The following IMP3 variants were observed in gnomAD, a reference collection of about 807,000 sequenced individuals.
The protein encoded by IMP3 is U3 small nucleolar ribonucleoprotein IMP3.
A neutral mutation model predicts 10.2 loss-of-function variants in IMP3; 17 were observed. The observed-to-expected ratio is 1.67, with a 90% CI of 1.14 to 2.50. IMP3 has a LOEUF of 2.50. Among genes scored for constraint, IMP3 ranks in the 30% most tolerant of loss-of-function variants. The pLI is 0.00. For missense variants in IMP3, 290 were observed against 260.2 expected, an observed-to-expected ratio of 1.11 and a Z score of -0.79; for synonymous variants, 167 against 120.1, an observed-to-expected ratio of 1.39 and a Z score of -2.55.
In IMP3 at chr15:75,639,800, G is replaced by A. The variant is rs986165264; in HGVS notation, c.369C>T (p.His123=). ...CCACAAAGGCCACGGCAGCCTGAAG[G>A]TGCTGCGCCATGCGCAGCTTGAGGA... The part of the protein sequence containing the change: ...TVLLKLRMAQ[H]LQAAVAFVEQ... Residue 123 remains histidine, a synonymous_variant, in exon 1 of 1, where the codon CAC becomes CAT. Coordinates refer to ENST00000403490, the MANE Select transcript of IMP3 (RefSeq NM_018285.4). The A allele has an allele frequency of 1.2e-6, 2 of 1,612,174 alleles. No homozygotes were observed. Among genetic ancestry groups the A allele is most frequent in the Non-Finnish European group, 1.7e-6 (2 of 1,179,682 alleles).
rs4886724 is a variant in IMP3, at chr15:75,639,436, C to T, written c.*178G>A. 606,215 of 606,546 alleles carry T rather than the reference C, an allele frequency of 1. 302,944 individuals are homozygous for T. The highest frequency in any genetic ancestry group is 1 in the Middle Eastern group (2,276 of 2,276). The allele number at this position is 606,546 out of a possible 1,614,324, so 37.6% of individuals were successfully genotyped here. A position where few individuals can be genotyped will look rare whatever the true frequency, so the allele number is the denominator to read the frequency against. ...CAGTAGTCCAAGTTCTAAGAACATT[C>T]CCTGGAAAACAAGGACGCACCTCCC... is the stretch of plus-strand genomic sequence containing the variant. On this transcript the variant is annotated 3_prime_UTR_variant, in exon 1 of 1. Coordinates refer to ENST00000403490, the MANE Select transcript of IMP3 (RefSeq NM_018285.4).
At position 75,640,182 on chromosome 15, in the gene IMP3, G is replaced by A. The variant is rs768192467; in HGVS notation, c.-14C>T. On this transcript the variant is annotated 5_prime_UTR_variant, in exon 1 of 1. Transcript: ENST00000403490. ...CTTCCGCACCATGATGGCGGCAGCCGCAGCCGCAGGACCCGAAGCTGAGAG... is the reference window on the plus strand; with the variant it reads ...CTTCCGCACCATGATGGCGGCAGCCACAGCCGCAGGACCCGAAGCTGAGAG... The A allele has an allele frequency of 4.1e-5, 62 of 1,501,580 alleles. No homozygotes were observed. The highest frequency in any genetic ancestry group is 2.5e-4 in the Middle Eastern group (1 of 4,032). 93.0% of individuals were successfully genotyped at this position (1,501,580 alleles called of 1,614,324 possible). A position where few individuals can be genotyped will look rare whatever the true frequency, so the allele number is the denominator to read the frequency against.
rs1278904741 is a variant in IMP3 at position 75,639,752 on chromosome 15, G to A, written c.417C>T (p.Gly139=). 4 of 1,613,458 alleles carry A rather than the reference G, an allele frequency of 2.5e-6. No individual in the cohort carries two copies. In the Admixed American group the frequency reaches 6.7e-5, roughly 27 times the overall value. ...AFVEQGHVRV[G]PDVVTDPAFL... ...AGGCGGGGTCGGTAACCACGTCAGGGCCCACGCGTACGTGCCCTTGCTCCA... is the reference window on the plus strand; with the variant it reads ...AGGCGGGGTCGGTAACCACGTCAGGACCCACGCGTACGTGCCCTTGCTCCA... The change falls in exon 1 of 1, where the codon GGC becomes GGT. Residue 139 remains glycine (G), a synonymous_variant. Transcript: ENST00000403490.
Position 75,639,198 on chromosome 15 carries a change from T to A in IMP3, c.*416A>T, listed in dbSNP as rs2141390819. On this transcript the variant is annotated 3_prime_UTR_variant, in exon 1 of 1. Transcript: ENST00000403490. ...TAAAAACTTGAGGCCAAACTCTCCATCATCTGTACACAGCTTAACCACGGC... is the reference window on the plus strand; with the variant it reads ...TAAAAACTTGAGGCCAAACTCTCCAACATCTGTACACAGCTTAACCACGGC... The A allele has an allele frequency of 5.4e-6, 1 of 183,900 alleles. No homozygotes were observed. Among genetic ancestry groups the A allele is most frequent in the Non-Finnish European group, 1.2e-5 (1 of 85,984 alleles). 11.4% of individuals were successfully genotyped at this position (183,900 alleles called of 1,614,324 possible).
chr15:75,639,592 G>GC lies in IMP3; in HGVS notation c.*21dup. On this transcript the variant is annotated 3_prime_UTR_variant, in exon 1 of 1. Transcript: ENST00000403490. ...TCAGTTTTCCCATCTGTAAAAGACAGCCATGCAAAGTGGGAGATCCGCTAG... is the reference window on the plus strand; with the variant it reads ...TCAGTTTTCCCATCTGTAAAAGACAGCCCATGCAAAGTGGGAGATCCGCTAG... The GC allele has an allele frequency of 2.5e-6, 4 of 1,604,944 alleles. No individual in the cohort carries two copies. Among genetic ancestry groups the GC allele is most frequent in the Non-Finnish European group, 3.4e-6 (4 of 1,172,390 alleles).
Position 75,639,183 on chromosome 15 carries a change from A to C in IMP3, c.*431T>G, listed in dbSNP as rs1893386345. On this transcript the variant is annotated 3_prime_UTR_variant, in exon 1 of 1. Coordinates refer to ENST00000403490, the MANE Select transcript of IMP3 (RefSeq NM_018285.4). ...GTCTCGCTCAGTTTATAAAAACTTG[A>C]GGCCAAACTCTCCATCATCTGTACA... The C allele has an allele frequency of 5.7e-6, 1 of 175,116 alleles. No homozygotes were observed. The highest frequency in any genetic ancestry group is 2.4e-5 in the African/African-American group (1 of 41,770). 10.8% of individuals were successfully genotyped at this position (175,116 alleles called of 1,614,324 possible).
In IMP3 at chr15:75,639,490, G is replaced by A. The variant is rs541131447; in HGVS notation, c.*124C>T. The A allele has an allele frequency of 6.1e-6, 5 of 823,090 alleles. No individual in the cohort carries two copies. The African/African-American group carries it at 6.9e-5, about 11-fold the overall frequency. The allele number at this position is 823,090 out of a possible 1,614,324, so 51.0% of individuals were successfully genotyped here. A position where few individuals can be genotyped will look rare whatever the true frequency, so the allele number is the denominator to read the frequency against. ...GCTCTATGCATGGCCTGCCACTGAT[G>A]AATCAAATTCTTAAGAACCTACGAC... On this transcript the variant is annotated 3_prime_UTR_variant, in exon 1 of 1. Coordinates refer to ENST00000403490, the MANE Select transcript of IMP3 (RefSeq NM_018285.4).
chr15:75,640,035 T>C lies in IMP3; in HGVS notation c.134A>G (p.Tyr45Cys). 1 of 1,599,248 alleles carries C rather than the reference T, an allele frequency of 6.3e-7. No individual in the cohort carries two copies. The highest frequency in any genetic ancestry group is 8.5e-7 in the Non-Finnish European group (1 of 1,174,228). Residue 45 changes from tyrosine (Y) to cysteine (C), a missense_variant, in exon 1 of 1, where the codon TAC becomes TGC. Coordinates refer to ENST00000403490, the MANE Select transcript of IMP3 (RefSeq NM_018285.4). ...ACGGCTCAGCTGGTTGTAGCGCGTG[T>C]AGTCCTCCCGCCGCTGCAGCCGGTA... The part of the protein sequence containing the change: ...RRYRLQRRED[Y>C]TRYNQLSRAV...
rs1893392778 is a variant in IMP3, at chr15:75,639,592, G to A, written c.*22C>T. 6.2e-7 allele frequency: 1 copy of A among 1,604,944 alleles called. No homozygotes were observed. The highest frequency in any genetic ancestry group is 8.5e-7 in the Non-Finnish European group (1 of 1,172,390). ...TCAGTTTTCCCATCTGTAAAAGACA[G>A]CCATGCAAAGTGGGAGATCCGCTAG... On this transcript the variant is annotated 3_prime_UTR_variant, in exon 1 of 1. Transcript: ENST00000403490.
Position 75,639,598 on chromosome 15 carries a change from C to G in IMP3, c.*16G>C, listed in dbSNP as rs1432066345. 3 of 1,610,812 alleles carry G rather than the reference C, an allele frequency of 1.9e-6. No individual in the cohort carries two copies. In the East Asian group the frequency reaches 6.7e-5, roughly 36 times the overall value. ...TTCCCATCTGTAAAAGACAGCCATGCAAAGTGGGAGATCCGCTAGGCTTCC... is the reference window on the plus strand; with the variant it reads ...TTCCCATCTGTAAAAGACAGCCATGGAAAGTGGGAGATCCGCTAGGCTTCC... On this transcript the variant is annotated 3_prime_UTR_variant, in exon 1 of 1. Coordinates refer to ENST00000403490, the MANE Select transcript of IMP3 (RefSeq NM_018285.4).
chr15:75,640,093 G>T lies in IMP3; in HGVS notation c.76C>A (p.His26Asn), dbSNP rs1893408050. 1 of 1,605,408 alleles carries T rather than the reference G, an allele frequency of 6.2e-7. No individual in the cohort carries two copies. Among genetic ancestry groups the T allele is most frequent in the African/African-American group, 1.3e-5 (1 of 74,550 alleles). ...VDFLNWEVTDHNLHELRVLRR... is the reference protein window; with the variant it reads ...VDFLNWEVTDNNLHELRVLRR... ...AGCACGCGCAGCTCGTGCAGGTTGTGGTCGGTGACCTCCCAGTTCAGGAAG... is the reference window on the plus strand; with the variant it reads ...AGCACGCGCAGCTCGTGCAGGTTGTTGTCGGTGACCTCCCAGTTCAGGAAG... Residue 26 changes from histidine (H) to asparagine (N), a missense_variant, in exon 1 of 1, where the codon CAC becomes AAC. Physicochemically the swap from His to Asn is moderately conservative, Grantham distance 68. Transcript: ENST00000403490.
In IMP3 at chr15:75,639,110, T is replaced by G. The variant is rs1011796651; in HGVS notation, c.*504A>C. On this transcript the variant is annotated 3_prime_UTR_variant, in exon 1 of 1. Transcript: ENST00000403490. ...TTAAAAAGTTGCACTTACAAAGCAGTTGGGGCATTTATTGACATTTAAACA... is the reference window on the plus strand; with the variant it reads ...TTAAAAAGTTGCACTTACAAAGCAGGTGGGGCATTTATTGACATTTAAACA... 3 of 157,196 alleles carry G rather than the reference T, an allele frequency of 1.9e-5. No homozygotes were observed. Among genetic ancestry groups the G allele is most frequent in the African/African-American group, 7.2e-5 (3 of 41,412 alleles). 9.7% of individuals were successfully genotyped at this position (157,196 alleles called of 1,614,324 possible). A position where few individuals can be genotyped will look rare whatever the true frequency, so the allele number is the denominator to read the frequency against.
At position 75,639,686 on chromosome 15, in the gene IMP3, C is replaced by CCA. The variant is rs750844720; in HGVS notation, c.482_483insTG (p.Asp162GlyfsTer11). 6.2e-7 allele frequency: 1 copy of CCA among 1,613,944 alleles called. No homozygotes were observed. Among genetic ancestry groups the CCA allele is most frequent in the Non-Finnish European group, 8.5e-7 (1 of 1,180,046 alleles). On this transcript the variant is annotated frameshift_variant, in exon 1 of 1. Transcript: ENST00000403490. LOFTEE classifies it high-confidence loss of function. ...CGTGCCGCTTGATCTTGGACGAGTC[C>CCA]ACCCAAGTGACAAAGTCCTCCATGC...
At position 75,639,952 on chromosome 15, in the gene IMP3, C is replaced by G; in HGVS notation, c.217G>C (p.Val73Leu). The G allele has an allele frequency of 6.2e-7, 1 of 1,606,330 alleles. No individual in the cohort carries two copies. Among genetic ancestry groups the G allele is most frequent in the Non-Finnish European group, 8.5e-7 (1 of 1,177,030 alleles). Reference sequence around the variant, plus strand: ...TCCAGCAGCGCGGCCGAAGCGCGCACGCGGAACTGGTCGCGTTCGGGCAGG... The same window carrying G: ...TCCAGCAGCGCGGCCGAAGCGCGCAGGCGGAACTGGTCGCGTTCGGGCAGG... ...RDLPERDQFR[V>L]RASAALLDKL... The change falls in exon 1 of 1, where the codon GTG becomes CTG. Residue 73 changes from valine to leucine, a missense_variant. Transcript: ENST00000403490.
Position 75,639,970 on chromosome 15 carries a change from C to T in IMP3, c.199G>A (p.Glu67Lys). The T allele has an allele frequency of 4.4e-6, 7 of 1,604,038 alleles. No individual in the cohort carries two copies. In the South Asian group the frequency reaches 6.6e-5, roughly 15 times the overall value. The change falls in exon 1 of 1, where the codon GAA (glutamate) becomes AAA (lysine). Residue 67 changes from glutamate (E) to lysine (K), a missense_variant. Glu to Lys is a moderately conservative substitution (Grantham distance 56, BLOSUM62 1). Coordinates refer to ENST00000403490, the MANE Select transcript of IMP3 (RefSeq NM_018285.4). The stretch of plus-strand genomic sequence containing the variant: ...GCGCGCACGCGGAACTGGTCGCGTT[C>T]GGGCAGGTCGCGCAGGCGCCGCGCC... ...ELARRLRDLP[E>K]RDQFRVRASA...
rs375180548 is a variant in IMP3 at position 75,639,659 on chromosome 15, C to T, written c.510G>A (p.Val170=). 23 of 1,613,844 alleles carry T rather than the reference C, an allele frequency of 1.4e-5. No homozygotes were observed. Among genetic ancestry groups the T allele is most frequent in the Non-Finnish European group, 1.9e-5 (23 of 1,180,040 alleles). ...WVDSSKIKRH[V]LEYNEERDDF... ...CATCGCGCTCCTCATTGTACTCTAGCACGTGCCGCTTGATCTTGGACGAGT... is the reference window on the plus strand; with the variant it reads ...CATCGCGCTCCTCATTGTACTCTAGTACGTGCCGCTTGATCTTGGACGAGT... Residue 170 remains valine (V), a synonymous_variant, in exon 1 of 1, where the codon GTG becomes GTA. Coordinates refer to ENST00000403490, the MANE Select transcript of IMP3 (RefSeq NM_018285.4).
rs1250761752 is a variant in IMP3, at chr15:75,640,064, C to G, written c.105G>C (p.Arg35=). 1.2e-6 allele frequency: 2 copies of G among 1,608,838 alleles called. No individual in the cohort carries two copies. Among genetic ancestry groups the G allele is most frequent in the Non-Finnish European group, 1.7e-6 (2 of 1,178,238 alleles). ...CCTCCCGCCGCTGCAGCCGGTAACG[C>G]CGCAGCACGCGCAGCTCGTGCAGGT... is the stretch of plus-strand genomic sequence containing the variant. The part of the protein sequence containing the change: ...DHNLHELRVL[R]RYRLQRREDY... The change falls in exon 1 of 1, where the codon CGG becomes CGC. Residue 35 remains arginine (R), a synonymous_variant. Coordinates refer to ENST00000403490, the MANE Select transcript of IMP3 (RefSeq NM_018285.4).
At position 75,639,918 on chromosome 15, in the gene IMP3, T is replaced by C. The variant is rs766235499; in HGVS notation, c.251A>G (p.Tyr84Cys). ...RASAALLDKLYALGLVPTRGS... is the reference protein window; with the variant it reads ...RASAALLDKLCALGLVPTRGS... The stretch of plus-strand genomic sequence containing the variant: ...GCGCGTGGGCACCAAGCCGAGAGCA[T>C]ACAGCTTGTCCAGCAGCGCGGCCGA... Residue 84 changes from tyrosine to cysteine, a missense_variant, in exon 1 of 1, where the codon TAT (tyrosine) becomes TGT (cysteine). Transcript: ENST00000403490. 1.9e-5 allele frequency: 30 copies of C among 1,610,338 alleles called. No homozygotes were observed. Among genetic ancestry groups the C allele is most frequent in the Non-Finnish European group, 2.5e-5 (29 of 1,178,926 alleles).
chr15:75,640,030 G>C lies in IMP3; in HGVS notation c.139C>G (p.Arg47Gly), dbSNP rs770313114. 1 of 1,599,382 alleles carries C rather than the reference G, an allele frequency of 6.3e-7. No homozygotes were observed. The highest frequency in any genetic ancestry group is 8.5e-7 in the Non-Finnish European group (1 of 1,174,324). The change falls in exon 1 of 1, where the codon CGC (arginine) becomes GGC (glycine). Residue 47 changes from arginine to glycine, a missense_variant. Transcript: ENST00000403490. The stretch of plus-strand genomic sequence containing the variant: ...ACGGCACGGCTCAGCTGGTTGTAGC[G>C]CGTGTAGTCCTCCCGCCGCTGCAGC... ...YRLQRREDYT[R>G]YNQLSRAVRE...
Sources: allele counts gnomAD v4.1 joint callset, GRCh38; gene constraint gnomAD v4.1.1; transcripts MANE v1.5; gene names NCBI Gene and HGNC (gene_info 2026-07-23, HGNC 2026-07-21).